Variants in WDFY3 observed in about 807,000 individuals in gnomAD.
WDFY3 encodes the protein WD repeat and FYVE domain containing 3, also known as WD repeat and FYVE domain-containing protein 3.
In WDFY3, 66 loss-of-function variants were observed where a neutral mutation model predicts 409.6. The observed-to-expected ratio is 0.16, with a 90% confidence interval of 0.13 to 0.20. The LOEUF (loss-of-function observed/expected upper bound fraction) is 0.20, where lower values mean the gene tolerates loss of function less well. Ranked by LOEUF, WDFY3 falls within the 10% of genes least tolerant of loss-of-function variation. The pLI is 1.00. For synonymous variants in WDFY3, 1,521 were observed against 1,537.1 expected (o/e 0.99, Z 0.25); for missense variants, 3,031 against 4,298.1 (o/e 0.71, Z 8.24).
intron 2 of WDFY3, among the ~76,000 whole-genome samples, chr4:84,906,315 AGCAGTGAAGTTTGT>A (rs1253801706): frequency 6.6e-6 from 1 of 152,212 alleles, no homozygotes; most frequent in Non-Finnish European, 1.5e-5. Flanking sequence ...CAAACCTCAA[AGCAGTGAAGTTTGT>A]GTCAGATTCA....
intron 27 of WDFY3, 134 bp from the exon 28 acceptor site, chr4:84,775,272 C>T (rs1246126902): frequency 1.4e-6 from 1 of 739,174 alleles, no homozygotes; most frequent in Non-Finnish European, 2.1e-6. Context: ...TATAAAACCA[C>T]TTATATGCAG....
At chr4:84,767,896 C>T (rs1273969998) in intron 30 of WDFY3, among the ~76,000 whole-genome samples, 1 of 152,028 alleles carries the variant, frequency 6.6e-6, no homozygotes, top group Non-Finnish European at 1.5e-5. Context: ...CCAACCTGGG[C>T]AACATAGTTG....
At chr4:84,745,787 G>T (rs1739330906) in intron 36 of WDFY3, among the ~76,000 whole-genome samples, 1 of 152,106 alleles carries the variant, frequency 6.6e-6, no homozygotes, top group Non-Finnish European at 1.5e-5. Context: ...GCGAGCAGGA[G>T]ACTTGTGACC....
Position 84,817,263 on chromosome 4 carries a change from A to T in WDFY3, c.1887+129T>A, listed in dbSNP as rs1056390323. The T allele has an allele frequency of 2.6e-6, 3 of 1,167,010 alleles. No homozygotes were observed. The African/African-American group carries it at 4.6e-5, about 18-fold the overall frequency. The allele number at this position is 1,167,010 out of a possible 1,614,324, so 72.3% of individuals were successfully genotyped here. ...GTTTTTCCAAGTTCCTAACGTGTAC[A>T]AAGTTGTGAGGTTTCTTGGGTAATT... On this transcript the variant is annotated intron_variant, in intron 13 of 67. Transcript: ENST00000295888.
intron 2 of WDFY3, among the ~76,000 whole-genome samples, chr4:84,912,720 T>C (rs1319876348): frequency 1.3e-5 from 2 of 152,026 alleles, no homozygotes; most frequent in Non-Finnish European, 2.9e-5. Context: ...CAGGTTTTTA[T>C]TGTAGATGAA....
At chr4:84,725,150 TGA>T (rs1384177688) in intron 45 of WDFY3, among the ~76,000 whole-genome samples, 1 of 152,222 alleles carries the variant, frequency 6.6e-6, no homozygotes, top group Non-Finnish European at 1.5e-5. Flanking sequence ...CAGATCCTTC[TGA>T]GAGTCCTGAC....
chr4:84,917,129 C>T (rs182119085), intron 2 of WDFY3, among the ~76,000 whole-genome samples: 3 of 152,196 alleles, frequency 2.0e-5, no homozygotes, highest in African/African-American at 4.8e-5. Flanking sequence ...AAGCATCAAT[C>T]GGCGCCAAGC....
At chr4:84,709,235 T>C in intron 52 of WDFY3, 58 bp downstream of exon 52, 1 of 1,509,840 alleles carries the variant, frequency 6.6e-7, no homozygotes, top group South Asian at 1.2e-5. Flanking sequence ...CTTTTAACTG[T>C]ATGACTTCTA....
intron 47 of WDFY3, 146 bp from the exon 48 acceptor site, chr4:84,718,716 T>G: frequency 1.0e-6 from 1 of 982,170 alleles, no homozygotes; most frequent in Non-Finnish European, 1.4e-6. Context: ...ACAGTCTGAT[T>G]TACATCTGAC....
chr4:84,909,021 CGTATCCAT>C lies in WDFY3; in HGVS notation c.-131-12019_-131-12012del, dbSNP rs1232984681. 4.6e-5 allele frequency among the ~76,000 whole-genome samples: 7 copies of C among 151,244 alleles called. No individual in the cohort carries two copies. In the East Asian group the frequency reaches 1.4e-3, roughly 29 times the overall value. On this transcript the variant is annotated intron_variant, in intron 2 of 67. Coordinates refer to ENST00000295888, the MANE Select transcript of WDFY3 (RefSeq NM_014991.6). ...AATACTAGGAGTCTATTCCTACGCA[CGTATCCAT>C]ACACACACACACACACACGCACACA...
chr4:84,696,291 A>G, intron 57 of WDFY3, 109 bp from the exon 58 acceptor site: 1 of 1,000,642 alleles, frequency 1.0e-6, no homozygotes, highest in Non-Finnish European at 1.5e-6. Flanking sequence ...TAAAAATCAT[A>G]AAAACAACAT....
At chr4:84,912,888 G>A (rs1377879393) in intron 2 of WDFY3, among the ~76,000 whole-genome samples, 2 of 152,040 alleles carry the variant, frequency 1.3e-5, no homozygotes, top group African/African-American at 4.8e-5. Flanking sequence ...TGTCCTCATC[G>A]ACAAAGCTGC....
At chr4:84,820,672 T>C (rs1046249026) in intron 11 of WDFY3, among the ~76,000 whole-genome samples, 4 of 152,118 alleles carry the variant, frequency 2.6e-5, no homozygotes, top group Non-Finnish European at 5.9e-5. Context: ...TCATTAAATA[T>C]ACGTATTTGC....
In WDFY3 at chr4:84,782,990, T is replaced by C. The variant is rs549282887; in HGVS notation, c.4147A>G (p.Ile1383Val). The change falls in exon 25 of 68, where the codon ATT (isoleucine) becomes GTT (valine). Residue 1383 changes from isoleucine (I) to valine (V), a missense_variant. Transcript: ENST00000295888. ...AGHLNGSART[I>V]GAALIGYLGV... ...AAGTATCCAATCAGAGCGGCCCCAATTGTCCGTGCAGATCCATTAAGATGT... is the reference window on the plus strand; with the variant it reads ...AAGTATCCAATCAGAGCGGCCCCAACTGTCCGTGCAGATCCATTAAGATGT... 2 of 1,614,046 alleles carry C rather than the reference T, an allele frequency of 1.2e-6. No individual in the cohort carries two copies. Among genetic ancestry groups the C allele is most frequent in the South Asian group, 1.1e-5 (1 of 91,074 alleles).
rs533113023 is a variant in WDFY3, at chr4:84,751,566, C to A, written c.5890G>T (p.Asp1964Tyr). 6.2e-7 allele frequency: 1 copy of A among 1,614,128 alleles called. No homozygotes were observed. The highest frequency in any genetic ancestry group is 1.1e-5 in the South Asian group (1 of 91,074). Residue 1964 changes from aspartate to tyrosine, a missense_variant, in exon 36 of 68, where the codon GAC becomes TAC. Transcript: ENST00000295888. ...TNHPAKKFVF[D>Y]FMRVLIIDNL... The stretch of plus-strand genomic sequence containing the variant: ...TCTATGATTAAGACCCGCATGAAGT[C>A]AAAAACGAACTTTTTAGCCGGGTGA...
At chr4:84,838,020 A>G (rs1441881934) in intron 6 of WDFY3, among the ~76,000 whole-genome samples, 4 of 152,218 alleles carry the variant, frequency 2.6e-5, no homozygotes, top group Non-Finnish European at 4.4e-5. Context: ...AAAGGGATTG[A>G]CTAACACTGC....
chr4:84,948,652 C>T (rs1012798221), intron 1 of WDFY3, among the ~76,000 whole-genome samples: 4 of 152,170 alleles, frequency 2.6e-5, no homozygotes, highest in African/African-American at 7.2e-5. Flanking sequence ...ATTTCTAGCT[C>T]GTTATGATGC....
rs1749118318 is a variant in WDFY3 at position 84,794,939 on chromosome 4, T to G, written c.3208A>C (p.Thr1070Pro). 1 of 1,577,596 alleles carries G rather than the reference T, an allele frequency of 6.3e-7. No individual in the cohort carries two copies. The highest frequency in any genetic ancestry group is 8.6e-7 in the Non-Finnish European group (1 of 1,165,798). Residue 1070 changes from threonine (T) to proline (P), a missense_variant, in exon 20 of 68, where the codon ACA becomes CCA. Coordinates refer to ENST00000295888, the MANE Select transcript of WDFY3 (RefSeq NM_014991.6). ...LPSLAPHNAP[T>P]NNTVTTGLID... ...AGACCTGTTGTGACGGTATTATTTG[T>G]AGGAGCATTATGAGGGGCCAAACTG... is the stretch of plus-strand genomic sequence containing the variant.
chr4:84,777,078 T>A (rs1323490314), intron 27 of WDFY3, among the ~76,000 whole-genome samples: 1 of 152,106 alleles, frequency 6.6e-6, no homozygotes, highest in Non-Finnish European at 1.5e-5. Context: ...AGGAAGCTGA[T>A]GTTTTCAATT....
Sources: allele counts gnomAD v4.1 joint callset (sites outside exome capture counted in the v4.1 genomes callset), GRCh38; gene constraint gnomAD v4.1.1; transcripts MANE v1.5; gene names NCBI Gene and HGNC (gene_info 2026-07-23, HGNC 2026-07-21).